The following FREM1 variants were observed in gnomAD, a reference collection of about 807,000 sequenced individuals.
The protein encoded by FREM1 is FRAS1 related extracellular matrix 1, also known as FRAS1-related extracellular matrix protein 1.
A neutral mutation model predicts 210.1 loss-of-function variants in FREM1; 220 were observed. The ratio of observed to expected loss-of-function variants is 1.05; its 90% CI spans 0.94 to 1.17. FREM1 has a LOEUF of 1.17. Ranked by LOEUF, FREM1 falls within the 50% of genes most tolerant of loss-of-function variation. The probability of loss-of-function intolerance (pLI) is 0.00; values close to 1 mark genes in which losing one functional copy is unlikely to be tolerated. For missense variants in FREM1, 3,454 were observed against 2,675.5 expected (o/e 1.29, Z -6.42); for synonymous variants, 1,189 against 980.2 (o/e 1.21, Z -3.98).
At position 14,768,480 on chromosome 9, in the gene FREM1, T is replaced by A. The variant is rs1179012831; in HGVS notation, c.5204+1244A>T. Among the ~76,000 whole-genome samples the A allele has an allele frequency of 6.6e-5, 10 of 152,218 alleles. No individual in the cohort carries two copies. In the East Asian group the frequency reaches 1.4e-3, roughly 21 times the overall value. ...AGGTCATATGTTTTACATTTTGTAA[T>A]CTCGAGATTACATTTTAATATCACG... On this transcript the variant is annotated intron_variant, in intron 27 of 36. Coordinates refer to ENST00000380880, the MANE Select transcript of FREM1 (RefSeq NM_001379081.2).
chr9:14,852,239 T>G (rs1827882258), intron 5 of FREM1, among the ~76,000 whole-genome samples: 1 of 152,212 alleles, frequency 6.6e-6, no homozygotes, highest in Non-Finnish European at 1.5e-5. Context: ...ACCCTGGATC[T>G]TCAAGCAAGG....
Position 14,805,087 on chromosome 9 carries a change from T to A in FREM1, c.3340A>T (p.Ile1114Leu), listed in dbSNP as rs369645961. ...GTGAACTGGTCGGCAGTTGGTTCTA[T>A]CCTCAGATGCCTGGACTGCACATAG... is the stretch of plus-strand genomic sequence containing the variant. ...INYVQSRHLR[I>L]EPTADQFTVY... The change falls in exon 19 of 37, where the codon ATA becomes TTA. Residue 1114 changes from isoleucine (I) to leucine (L), a missense_variant. Ile to Leu is a conservative substitution (Grantham distance 5). Transcript: ENST00000380880. 4.9e-5 allele frequency: 79 copies of A among 1,613,240 alleles called. 1 individual carries two copies. Among genetic ancestry groups the A allele is most frequent in the Non-Finnish European group, 3.4e-6 (4 of 1,179,470 alleles).
intron 1 of FREM1, among the ~76,000 whole-genome samples, chr9:14,869,686 T>G (rs1832227466): frequency 6.6e-6 from 1 of 152,264 alleles, no homozygotes; most frequent in African/African-American, 2.4e-5. Flanking sequence ...TGATTCATTC[T>G]AAATCAGTGC....
At position 14,812,863 on chromosome 9, in the gene FREM1, G is replaced by C. The variant is rs201630768; in HGVS notation, c.2842C>G (p.Gln948Glu). ...VVRRAGVTVD[Q>E]FSQRDVISEA... Reference sequence around the variant, plus strand: ...GAGATAACATCTCTCTGAGAGAACTGATCCACTGTGACTCCAGCTCTCCTC... The same window carrying C: ...GAGATAACATCTCTCTGAGAGAACTCATCCACTGTGACTCCAGCTCTCCTC... The change falls in exon 16 of 37, where the codon CAG (glutamine) becomes GAG (glutamate). Residue 948 changes from glutamine (Q) to glutamate (E), a missense_variant. Gln to Glu is a conservative substitution (Grantham distance 29, BLOSUM62 2). Transcript: ENST00000380880. 2 of 1,613,772 alleles carry C rather than the reference G, an allele frequency of 1.2e-6. No homozygotes were observed. Among genetic ancestry groups the C allele is most frequent in the Middle Eastern group, 1.7e-4 (1 of 6,058 alleles).
intron 1 of FREM1, among the ~76,000 whole-genome samples, chr9:14,875,728 T>G (rs1833589105): frequency 6.6e-6 from 1 of 152,234 alleles, no homozygotes. Context: ...GGAACTGCAT[T>G]CCTTTGGAGG....
At chr9:14,882,630 T>C (rs1834994266) in intron 1 of FREM1, among the ~76,000 whole-genome samples, 2 of 150,990 alleles carry the variant, frequency 1.3e-5, no homozygotes, top group Non-Finnish European at 1.5e-5. Context: ...AATTTTTGTA[T>C]TATTTTTAGT....
At chr9:14,861,014 T>TATATACATATATACAC (rs1830182824) in intron 3 of FREM1, among the ~76,000 whole-genome samples, 5 of 98,402 alleles carry the variant, frequency 5.1e-5, no homozygotes, top group African/African-American at 2.6e-4. Flanking sequence ...CATATATACA[T>TATATACATATATACAC]ATATACACAT....
rs1459610781 is a variant in FREM1 at position 14,827,836 on chromosome 9, C to CAA, written c.1882-2846_1882-2845dup. On this transcript the variant is annotated intron_variant, in intron 10 of 36. Transcript: ENST00000380880. ...AGTCTCTGCTCCCTGCATTCTGATG[C>CAA]AATCCTTGGCCATCCCAGCTGTGGC... is the stretch of plus-strand genomic sequence containing the variant. 4.6e-5 allele frequency among the ~76,000 whole-genome samples: 7 copies of CAA among 152,332 alleles called. No homozygotes were observed. The East Asian group carries it at 1.4e-3, about 29-fold the overall frequency.
At chr9:14,832,373 A>G (rs1823725449) in intron 10 of FREM1, among the ~76,000 whole-genome samples, 1 of 152,194 alleles carries the variant, frequency 6.6e-6, no homozygotes, top group Non-Finnish European at 1.5e-5. Flanking sequence ...GCAAACCCTC[A>G]CTGCAGCTAA....
intron 1 of FREM1, among the ~76,000 whole-genome samples, chr9:14,897,484 CA>C (rs1837943668): frequency 6.7e-6 from 1 of 150,266 alleles, no homozygotes; most frequent in Non-Finnish European, 1.5e-5. Context: ...CTGATGCAAG[CA>C]AAGTGGGGAA....
At chr9:14,788,840 G>T (rs1563929661) in intron 23 of FREM1, 79 bp downstream of exon 23, 1 of 1,074,826 alleles carries the variant, frequency 9.3e-7, no homozygotes, top group Non-Finnish European at 1.3e-6. Context: ...GAGGGAAAGA[G>T]AGAGAAAGAA....
intron 19 of FREM1, among the ~76,000 whole-genome samples, chr9:14,803,911 T>A (rs1239504307): frequency 6.6e-6 from 1 of 152,204 alleles, no homozygotes; most frequent in East Asian, 1.9e-4. Context: ...CTCCAAGAAC[T>A]TTAATAAAGC....
intron 2 of FREM1, among the ~76,000 whole-genome samples, chr9:14,867,425 T>C (rs752138289): frequency 3.9e-5 from 6 of 152,200 alleles, no homozygotes; most frequent in Admixed American, 6.5e-5. Flanking sequence ...AATTCTAACA[T>C]GTTTTAGATA....
At position 14,737,255 on chromosome 9, in the gene FREM1, A is replaced by G; in HGVS notation, c.*141T>C. The G allele has an allele frequency of 1.7e-6, 1 of 572,674 alleles. No individual in the cohort carries two copies. The highest frequency in any genetic ancestry group is 3.0e-5 in the South Asian group (1 of 33,596). The allele number at this position is 572,674 out of a possible 1,614,324, so 35.5% of individuals were successfully genotyped here. On this transcript the variant is annotated 3_prime_UTR_variant, in exon 37 of 37. Coordinates refer to ENST00000380880, the MANE Select transcript of FREM1 (RefSeq NM_001379081.2). Reference sequence around the variant, plus strand: ...TATCAATCTTTCTGGCACTATTAAAAATGTCCCATTTTCACTAGACAGAAT... The same window carrying G: ...TATCAATCTTTCTGGCACTATTAAAGATGTCCCATTTTCACTAGACAGAAT...
chr9:14,828,521 T>C (rs896645028), intron 10 of FREM1, among the ~76,000 whole-genome samples: 1 of 151,832 alleles, frequency 6.6e-6, no homozygotes, highest in Non-Finnish European at 1.5e-5. Context: ...CATAAATATG[T>C]ACTAAATGAG....
rs779046162 is a variant in FREM1, at chr9:14,784,371, T to A, written c.4441A>T (p.Arg1481Ter). 1.2e-6 allele frequency: 2 copies of A among 1,612,574 alleles called. No individual in the cohort carries two copies. Among genetic ancestry groups the A allele is most frequent in the Non-Finnish European group, 1.7e-6 (2 of 1,178,844 alleles). The change falls in exon 24 of 37, where the codon AGA (arginine) becomes TGA (stop). Residue 1481 changes from arginine to a stop codon, truncating the protein, a stop_gained and splice_region_variant. Coordinates refer to ENST00000380880, the MANE Select transcript of FREM1 (RefSeq NM_001379081.2). LOFTEE classifies it high-confidence loss of function. The part of the protein sequence containing the change: ...SKVTVSSDRF[R>*]FIISNGLRTE... ...TTGAAAAGTTTCCATGGGGCTCACC[T>A]GAATCTGTCACTGGAGACAGTCACC...
Position 14,737,545 on chromosome 9 carries a change from G to A in FREM1, c.6391C>T (p.Pro2131Ser), listed in dbSNP as rs768051870. ...CTTCTCCCATTGGTGAAGGCAACAG[G>A]TTCACCACCGATCCACTCCCAGTGG... ...AGHWEWIGGE[P>S]VAFTNGRRGP... Residue 2131 changes from proline to serine, a missense_variant, in exon 37 of 37, where the codon CCT becomes TCT. Pro to Ser is a moderately conservative substitution (Grantham distance 74). Coordinates refer to ENST00000380880, the MANE Select transcript of FREM1 (RefSeq NM_001379081.2). The A allele has an allele frequency of 1.4e-5, 23 of 1,607,178 alleles. No homozygotes were observed. Among genetic ancestry groups the A allele is most frequent in the South Asian group, 2.2e-5 (2 of 90,014 alleles).
At chr9:14,802,583 C>G (rs181956105) in intron 19 of FREM1, among the ~76,000 whole-genome samples, 45 of 152,320 alleles carry the variant, frequency 3.0e-4, no homozygotes, top group African/African-American at 1.0e-3. Context: ...AAATGTTTAT[C>G]ATTTCATGTA....
At position 14,791,924 on chromosome 9, in the gene FREM1, CT is replaced by C. The variant is rs935076711; in HGVS notation, c.3981+818del. Among the ~76,000 whole-genome samples the C allele has an allele frequency of 4.3e-3, 651 of 152,154 alleles. 9 individuals are homozygous for C. Among genetic ancestry groups the C allele is most frequent in the African/African-American group, 0.014 (602 of 41,544 alleles). ...CTCAGCTCACTGCAACCTCTCCCCC[CT>C]CTCCCGGGTTCAAGTAATTCTCCTG... is the stretch of plus-strand genomic sequence containing the variant. On this transcript the variant is annotated intron_variant, in intron 22 of 36. Transcript: ENST00000380880.
Sources: allele counts gnomAD v4.1 joint callset (sites outside exome capture counted in the v4.1 genomes callset), GRCh38; gene constraint gnomAD v4.1.1; transcripts MANE v1.5; gene names NCBI Gene and HGNC (gene_info 2026-07-23, HGNC 2026-07-21).